PTPRG: variants seen among roughly 807,000 people sequenced by gnomAD.
PTPRG encodes the protein receptor-type tyrosine-protein phosphatase gamma.
Under a neutral mutation model 165.3 loss-of-function variants are expected in PTPRG, and 102 were observed. The observed-to-expected ratio is 0.62, with a 90% CI of 0.53 to 0.73. PTPRG has a LOEUF of 0.73. PTPRG is among the 30% of genes least tolerant of loss of function. PTPRG has a pLI of 0.00. For missense variants in PTPRG, 1,866 were observed against 1,861.4 expected (o/e 1.00, Z -0.05); for synonymous variants, 675 against 669.5 (o/e 1.01, Z -0.13).
intron 6 of PTPRG, 148 bp downstream of exon 6, chr3:62,132,816 G>C: frequency 1.3e-6 from 1 of 747,496 alleles, no homozygotes; most frequent in South Asian, 1.6e-5. Context: ...TTATATGATG[G>C]GTAAAGAGCA....
At chr3:62,062,197 G>A (rs895912865) in intron 4 of PTPRG, among the ~76,000 whole-genome samples, 2 of 143,140 alleles carry the variant, frequency 1.4e-5, no homozygotes, top group African/African-American at 5.1e-5. Context: ...TACTCAGGAG[G>A]CTGAGGCAGG....
rs2038968647 is a variant in PTPRG, at chr3:61,917,459, A to C, written c.191-72166A>C. Among the ~76,000 whole-genome samples, 3 of 152,092 alleles carry C rather than the reference A, an allele frequency of 2.0e-5. No homozygotes were observed. In the South Asian group the frequency reaches 6.2e-4, roughly 32 times the overall value. On this transcript the variant is annotated intron_variant, in intron 2 of 29. Coordinates refer to ENST00000474889, the MANE Select transcript of PTPRG (RefSeq NM_002841.4). Reference sequence around the variant, plus strand: ...TTGCAGGTTCTTTGCGTGTTGCTAAAATCACACCCTACCTTAGTGTGAGCC... The same window carrying C: ...TTGCAGGTTCTTTGCGTGTTGCTAACATCACACCCTACCTTAGTGTGAGCC...
intron 2 of PTPRG, among the ~76,000 whole-genome samples, chr3:61,866,069 A>G (rs189355365): frequency 2.3e-3 from 346 of 152,196 alleles, no homozygotes; most frequent in Non-Finnish European, 3.0e-3. Context: ...TTCCTGTGGG[A>G]CAGTTTTATA....
intron 2 of PTPRG, among the ~76,000 whole-genome samples, chr3:61,754,060 A>G (rs527414560): frequency 1.3e-5 from 2 of 152,154 alleles, no homozygotes; most frequent in Non-Finnish European, 1.5e-5. Context: ...CTGTGTAGAA[A>G]TAGCTTCTAA....
intron 4 of PTPRG, among the ~76,000 whole-genome samples, chr3:62,056,593 A>G (rs1349761870): frequency 6.6e-6 from 1 of 152,206 alleles, no homozygotes; most frequent in African/African-American, 2.4e-5. Flanking sequence ...TGTCATGTGC[A>G]TTGTAGGATG....
chr3:61,701,202 T>A (rs1045429996), intron 1 of PTPRG, among the ~76,000 whole-genome samples: 6 of 152,204 alleles, frequency 3.9e-5, no homozygotes, highest in Admixed American at 3.9e-4. Flanking sequence ...TTAGGTTGCA[T>A]GCTGAGCTCT....
At chr3:62,044,086 C>T (rs1382668562) in intron 4 of PTPRG, among the ~76,000 whole-genome samples, 1 of 152,236 alleles carries the variant, frequency 6.6e-6, no homozygotes, top group Non-Finnish European at 1.5e-5. Flanking sequence ...CTTCTCAGAA[C>T]CTTTCCTGTA....
chr3:61,675,982 C>T (rs966399570), intron 1 of PTPRG, among the ~76,000 whole-genome samples: 3 of 152,110 alleles, frequency 2.0e-5, no homozygotes, highest in African/African-American at 7.2e-5. Context: ...TCAGTTTTTT[C>T]GACCATTCTT....
intron 12 of PTPRG, 139 bp downstream of exon 12, chr3:62,204,089 T>C (rs1375368899): frequency 2.0e-5 from 28 of 1,380,724 alleles, no homozygotes; most frequent in Admixed American, 6.0e-5. Flanking sequence ...ATAGAAAAGG[T>C]GCACACATGT....
intron 8 of PTPRG, among the ~76,000 whole-genome samples, chr3:62,187,249 G>T (rs916641835): frequency 2.0e-5 from 3 of 152,200 alleles, no homozygotes; most frequent in Non-Finnish European, 4.4e-5. Flanking sequence ...GAAGGAGCAG[G>T]CCTGTCAGCC....
intron 1 of PTPRG, among the ~76,000 whole-genome samples, chr3:61,707,102 T>A (rs982458220): frequency 6.6e-6 from 1 of 152,212 alleles, no homozygotes; most frequent in South Asian, 2.1e-4. Context: ...GCTGCATAGT[T>A]TTCCATAGTA....
At chr3:62,036,269 A>T (rs1052617800) in intron 4 of PTPRG, among the ~76,000 whole-genome samples, 3 of 152,158 alleles carry the variant, frequency 2.0e-5, no homozygotes, top group African/African-American at 7.2e-5. Context: ...CTGGTTTGGA[A>T]TATCTCAGAA....
intron 2 of PTPRG, among the ~76,000 whole-genome samples, chr3:61,768,984 C>A (rs1016668851): frequency 1.3e-5 from 2 of 152,114 alleles, no homozygotes; most frequent in East Asian, 1.9e-4. Context: ...AAAAACTATG[C>A]CAATTTACAT....
chr3:61,830,231 T>A lies in PTPRG; in HGVS notation c.190+81249T>A, dbSNP rs563293543. On this transcript the variant is annotated intron_variant, in intron 2 of 29. Coordinates refer to ENST00000474889, the MANE Select transcript of PTPRG (RefSeq NM_002841.4). ...GAAAACCTGTGTAGCAAATCAGAAT[T>A]GCCGTATTTTTGGAAACTTCACTGT... 6.6e-5 allele frequency among the ~76,000 whole-genome samples: 10 copies of A among 152,372 alleles called. No individual in the cohort carries two copies. The South Asian group carries it at 1.9e-3, about 28-fold the overall frequency.
chr3:62,050,471 G>T (rs1025146014), intron 4 of PTPRG, among the ~76,000 whole-genome samples: 1 of 152,178 alleles, frequency 6.6e-6, no homozygotes, highest in Non-Finnish European at 1.5e-5. Flanking sequence ...CAATGAAATC[G>T]CCTAACAGTG....
At chr3:61,609,440 T>C (rs529095242) in intron 1 of PTPRG, among the ~76,000 whole-genome samples, 1 of 152,344 alleles carries the variant, frequency 6.6e-6, no homozygotes, top group South Asian at 2.1e-4. Flanking sequence ...AAGAGCTGAG[T>C]TGTATGTGGT....
chr3:62,215,554 C>CCA lies in PTPRG; in HGVS notation c.2156-3296_2156-3295insAC, dbSNP rs1553652515. Among the ~76,000 whole-genome samples the CCA allele has an allele frequency of 2.1e-5, 3 of 143,250 alleles. 1 individual carries two copies. Among genetic ancestry groups the CCA allele is most frequent in the East Asian group, 2.1e-4 (1 of 4,864 alleles). 94.0% of individuals were successfully genotyped at this position (143,250 alleles called of 152,430 possible). A position where few individuals can be genotyped will look rare whatever the true frequency, so the allele number is the denominator to read the frequency against. ...TCCAACCCCCTACGGGAACCCCCCC[C>CCA]CCCCGCCAATTATTACACACTTTCA... On this transcript the variant is annotated intron_variant, in intron 12 of 29. Coordinates refer to ENST00000474889, the MANE Select transcript of PTPRG (RefSeq NM_002841.4).
chr3:61,916,436 A>C (rs768340465), intron 2 of PTPRG, among the ~76,000 whole-genome samples: 57 of 152,098 alleles, frequency 3.7e-4, no homozygotes, highest in Non-Finnish European at 5.7e-4. Context: ...CCTACTCCCC[A>C]CCTTGTATGT....
chr3:62,046,907 A>G (rs1243853648), intron 4 of PTPRG, among the ~76,000 whole-genome samples: 1 of 152,188 alleles, frequency 6.6e-6, no homozygotes, highest in Non-Finnish European at 1.5e-5. Context: ...ACAGGATGCA[A>G]GACTGTGCAC....
Sources: allele counts gnomAD v4.1 joint callset (sites outside exome capture counted in the v4.1 genomes callset), GRCh38; gene constraint gnomAD v4.1.1; transcripts MANE v1.5; gene names NCBI Gene and HGNC (gene_info 2026-07-23, HGNC 2026-07-21).